Variants in SEMA5A observed in about 807,000 individuals in gnomAD.
The protein encoded by SEMA5A is semaphorin 5A.
SEMA5A carries 55 observed loss-of-function variants against 135.5 expected under a neutral mutation model. That is an observed-to-expected ratio of 0.41 (90% CI 0.33 to 0.51). SEMA5A has a LOEUF of 0.51. SEMA5A is among the 20% of genes least tolerant of loss of function. The pLI is 0.37. For synonymous variants in SEMA5A, 580 were observed against 546.5 expected (o/e 1.06, Z -0.85); for missense variants, 1,290 against 1,419.9 (o/e 0.91, Z 1.47).
intron 3 of SEMA5A, among the ~76,000 whole-genome samples, chr5:9,353,098 G>GAAAGGGAAGGGAAGGGAAGGGAAGGGA (rs1378151075): frequency 1.4e-4 from 3 of 21,788 alleles, no homozygotes; most frequent in Admixed American, 7.9e-4. Flanking sequence ...GGAAAGGAAG[G>GAAAGGGAAGGGAAGGGAAGGGAAGGGA]AAGGAAAGGA....
intron 12 of SEMA5A, among the ~76,000 whole-genome samples, chr5:9,149,381 T>G (rs924094202): frequency 3.3e-5 from 5 of 152,170 alleles, no homozygotes; most frequent in Non-Finnish European, 7.3e-5. Flanking sequence ...CGGTGGCCTA[T>G]GCCTGTAATC....
chr5:9,288,434 C>T (rs542687545), intron 5 of SEMA5A, among the ~76,000 whole-genome samples: 2 of 152,144 alleles, frequency 1.3e-5, no homozygotes, highest in African/African-American at 2.4e-5. Flanking sequence ...ACAGGCCTTC[C>T]AAGGACCTTT....
intron 5 of SEMA5A, among the ~76,000 whole-genome samples, chr5:9,314,540 A>C (rs1752307590): frequency 6.6e-6 from 1 of 152,012 alleles, no homozygotes; most frequent in Non-Finnish European, 1.5e-5. Flanking sequence ...TAAATTACCT[A>C]TTTGGCTCAC....
At chr5:9,384,295 T>C (rs1755735016) in intron 2 of SEMA5A, among the ~76,000 whole-genome samples, 1 of 152,120 alleles carries the variant, frequency 6.6e-6, no homozygotes, top group East Asian at 1.9e-4. Context: ...ATGGAGCTCT[T>C]GCCTCTCAGT....
chr5:9,248,553 C>T (rs925970390), intron 5 of SEMA5A, among the ~76,000 whole-genome samples: 133 of 42,970 alleles, frequency 3.1e-3, no homozygotes, highest in African/African-American at 4.7e-3. Context: ...TTAACTCATA[C>T]GGCAAAAAAA....
At chr5:9,436,306 AGGTGCTGT>A (rs1315459017) in intron 2 of SEMA5A, among the ~76,000 whole-genome samples, 3 of 152,214 alleles carry the variant, frequency 2.0e-5, no homozygotes, top group Admixed American at 2.0e-4. Flanking sequence ...TCCAGCTCTC[AGGTGCTGT>A]GGTTCTCCAT....
intron 4 of SEMA5A, among the ~76,000 whole-genome samples, chr5:9,319,475 T>C (rs3777324): frequency 0.32 from 48,473 of 152,000 alleles, 10,691 homozygotes; most frequent in African/African-American, 0.63. Context: ...TTAGTTACAC[T>C]GGGCTTTGGA....
chr5:9,131,758 C>G (rs901200273), intron 13 of SEMA5A, among the ~76,000 whole-genome samples: 4 of 151,860 alleles, frequency 2.6e-5, no homozygotes, highest in Middle Eastern at 3.4e-3. Flanking sequence ...ACACCTCCCA[C>G]CAGGTCCCAA....
At chr5:9,343,998 C>A (rs984431257) in intron 3 of SEMA5A, among the ~76,000 whole-genome samples, 4 of 152,164 alleles carry the variant, frequency 2.6e-5, no homozygotes, top group Admixed American at 2.0e-4. Context: ...TTGTCTGGTG[C>A]CAGCGTGTGA....
chr5:9,361,982 G>A (rs1193101585), intron 3 of SEMA5A, among the ~76,000 whole-genome samples: 1 of 152,182 alleles, frequency 6.6e-6, no homozygotes, highest in Non-Finnish European at 1.5e-5. Context: ...GCCCCTGCTG[G>A]CAAGGAAGGT....
chr5:9,107,058 G>A (rs1170910809), intron 16 of SEMA5A, among the ~76,000 whole-genome samples: 1 of 152,324 alleles, frequency 6.6e-6, no homozygotes, highest in South Asian at 2.1e-4. Flanking sequence ...AGGCTTTACA[G>A]CAGCACAAAA....
At chr5:9,405,931 G>T (rs1756869047) in intron 2 of SEMA5A, among the ~76,000 whole-genome samples, 1 of 152,096 alleles carries the variant, frequency 6.6e-6, no homozygotes, top group Non-Finnish European at 1.5e-5. Context: ...CAAAGAAAAG[G>T]ACTCACAGGC....
intron 5 of SEMA5A, among the ~76,000 whole-genome samples, chr5:9,305,332 T>C (rs1314145676): frequency 6.6e-6 from 1 of 152,202 alleles, no homozygotes; most frequent in Non-Finnish European, 1.5e-5. Context: ...GAATATTTCT[T>C]TTCTCCTTGT....
At chr5:9,428,884 A>G (rs1192006757) in intron 2 of SEMA5A, among the ~76,000 whole-genome samples, 1 of 152,242 alleles carries the variant, frequency 6.6e-6, no homozygotes, top group East Asian at 1.9e-4. Flanking sequence ...TCATTAAATA[A>G]CATATACGTA....
intron 1 of SEMA5A, among the ~76,000 whole-genome samples, chr5:9,466,517 T>C (rs1759268756): frequency 6.6e-6 from 1 of 152,010 alleles, no homozygotes; most frequent in South Asian, 2.1e-4. Context: ...AGATAGAATT[T>C]TGTGGCTATT....
intron 3 of SEMA5A, among the ~76,000 whole-genome samples, chr5:9,369,409 T>A (rs1238206509): frequency 1.3e-5 from 2 of 152,228 alleles, no homozygotes; most frequent in African/African-American, 4.8e-5. Flanking sequence ...AGCTAAAAAA[T>A]CTTTCCTAAT....
At chr5:9,234,211 T>TAGA (rs1747785722) in intron 6 of SEMA5A, among the ~76,000 whole-genome samples, 1 of 152,144 alleles carries the variant, frequency 6.6e-6, no homozygotes, top group Non-Finnish European at 1.5e-5. Flanking sequence ...GAAATGTGGG[T>TAGA]TGTCTGAATT....
intron 5 of SEMA5A, among the ~76,000 whole-genome samples, chr5:9,299,575 C>G (rs1751509479): frequency 6.6e-6 from 1 of 152,120 alleles, no homozygotes; most frequent in Non-Finnish European, 1.5e-5. Context: ...GGCAGAAAAT[C>G]TTCACTAGTG....
intron 4 of SEMA5A, among the ~76,000 whole-genome samples, chr5:9,322,121 G>A (rs1752656009): frequency 6.6e-6 from 1 of 152,052 alleles, no homozygotes. Flanking sequence ...GAAGATAATG[G>A]CTTATAATAA....
Sources: allele counts gnomAD v4.1 joint callset (sites outside exome capture counted in the v4.1 genomes callset), GRCh38; gene constraint gnomAD v4.1.1; transcripts MANE v1.5; gene names NCBI Gene and HGNC (gene_info 2026-07-23, HGNC 2026-07-21).